Variants in MTUS2 observed in about 807,000 individuals in gnomAD.
MTUS2 encodes the protein microtubule-associated tumor suppressor candidate 2.
MTUS2 carries 40 observed loss-of-function variants against 114.1 expected under a neutral mutation model. The observed-to-expected ratio is 0.35, with a 90% CI of 0.27 to 0.46. The LOEUF (loss-of-function observed/expected upper bound fraction) is 0.46, where lower values mean the gene tolerates loss of function less well. MTUS2 is among the 20% of genes least tolerant of loss of function. The pLI is 1.00. For synonymous variants in MTUS2, 688 were observed against 672.0 expected (o/e 1.02, Z -0.37); for missense variants, 1,679 against 1,705.4 (o/e 0.98, Z 0.27).
intron 2 of MTUS2, among the ~76,000 whole-genome samples, chr13:28,841,985 A>G (rs1875537022): frequency 6.6e-6 from 1 of 152,168 alleles, no homozygotes; most frequent in African/African-American, 2.4e-5. Flanking sequence ...GCGCCCGGCC[A>G]AAGTTTGTTT....
At chr13:28,893,869 C>T (rs1341033954) in intron 2 of MTUS2, among the ~76,000 whole-genome samples, 1 of 152,006 alleles carries the variant, frequency 6.6e-6, no homozygotes, top group Non-Finnish European at 1.5e-5. Context: ...TTTTATGACT[C>T]AAAGAAATAT....
At chr13:28,895,092 C>T (rs1285916161) in intron 2 of MTUS2, among the ~76,000 whole-genome samples, 1 of 152,134 alleles carries the variant, frequency 6.6e-6, no homozygotes, top group Admixed American at 6.6e-5. Context: ...TGAAGGCCAG[C>T]CTCATATATG....
chr13:29,087,348 T>C lies in MTUS2; in HGVS notation c.2447-13425T>C, dbSNP rs9551601. 4.7e-4 allele frequency among the ~76,000 whole-genome samples: 71 copies of C among 152,354 alleles called. No homozygotes were observed. In the East Asian group the frequency reaches 0.013, roughly 28 times the overall value. On this transcript the variant is annotated intron_variant, in intron 4 of 15. Transcript: ENST00000612955. The stretch of plus-strand genomic sequence containing the variant: ...TTTTATTGAAAGCTTTTGCTGTGTC[T>C]ATGAGATTATTATGTGGTTTGTAGT...
At chr13:28,904,007 A>G (rs1365800971) in intron 2 of MTUS2, among the ~76,000 whole-genome samples, 5 of 152,154 alleles carry the variant, frequency 3.3e-5, no homozygotes, top group African/African-American at 4.8e-5. Context: ...TTTCTCTGAT[A>G]GCCAGTGATG....
At chr13:29,180,940 A>G (rs886868359) in intron 5 of MTUS2, among the ~76,000 whole-genome samples, 4 of 152,244 alleles carry the variant, frequency 2.6e-5, no homozygotes, top group African/African-American at 9.6e-5. Context: ...CTGAAAAACA[A>G]CTGTATGTCC....
chr13:29,181,574 C>T (rs1335329713), intron 5 of MTUS2, among the ~76,000 whole-genome samples: 1 of 152,036 alleles, frequency 6.6e-6, no homozygotes, highest in South Asian at 2.1e-4. Context: ...TTGCTTGCCT[C>T]GGGGTTAGGA....
chr13:29,074,003 G>A (rs1444278705), intron 4 of MTUS2, among the ~76,000 whole-genome samples: 2 of 152,096 alleles, frequency 1.3e-5, no homozygotes, highest in Non-Finnish European at 2.9e-5. Context: ...CCCCGTTCCT[G>A]CTCTCAGAAC....
At chr13:29,208,650 A>G (rs1472991621) in intron 5 of MTUS2, among the ~76,000 whole-genome samples, 1 of 152,128 alleles carries the variant, frequency 6.6e-6, no homozygotes. Flanking sequence ...ATTTGGTTCA[A>G]AGAATTTTTA....
intron 8 of MTUS2, among the ~76,000 whole-genome samples, chr13:29,414,558 A>G (rs1377820004): frequency 6.7e-6 from 1 of 149,738 alleles, no homozygotes; most frequent in Admixed American, 6.7e-5. Context: ...TTGTTTTTGT[A>G]TATTATGGGA....
chr13:29,501,359 A>G (rs1882891048), intron 15 of MTUS2, among the ~76,000 whole-genome samples, 165 bp downstream of exon 15: 1 of 152,150 alleles, frequency 6.6e-6, no homozygotes, highest in African/African-American at 2.4e-5. Flanking sequence ...CATCTTGCCT[A>G]TTCCTGGCCA....
At chr13:29,491,380 ATG>A (rs1395064834) in intron 11 of MTUS2, among the ~76,000 whole-genome samples, 3 of 139,188 alleles carry the variant, frequency 2.2e-5, no homozygotes, top group Non-Finnish European at 3.1e-5. Flanking sequence ...TATGGTATAT[ATG>A]TGTGTGGTGT....
At chr13:29,407,368 G>C (rs891488032) in intron 8 of MTUS2, among the ~76,000 whole-genome samples, 16 of 152,070 alleles carry the variant, frequency 1.1e-4, no homozygotes, top group African/African-American at 3.9e-4. Context: ...TATATATTTA[G>C]ACGTGGAATT....
At chr13:29,457,292 C>T (rs1260882557) in intron 9 of MTUS2, among the ~76,000 whole-genome samples, 3 of 152,090 alleles carry the variant, frequency 2.0e-5, no homozygotes, top group African/African-American at 7.2e-5. Flanking sequence ...AAAGTTCCCT[C>T]ATGCCTCTTT....
At chr13:29,085,342 T>C (rs1889644272) in intron 4 of MTUS2, among the ~76,000 whole-genome samples, 1 of 152,236 alleles carries the variant, frequency 6.6e-6, no homozygotes, top group Admixed American at 6.5e-5. Context: ...CATGAGTAAA[T>C]TGTATGTCAC....
At chr13:29,442,634 A>ACATGGTATCCTC in intron 9 of MTUS2, among the ~76,000 whole-genome samples, 1 of 152,270 alleles carries the variant, frequency 6.6e-6, no homozygotes, top group African/African-American at 2.4e-5. Flanking sequence ...CCAAACCAGC[A>ACATGGTATCCTC]CAGGGAGGCA....
chr13:28,823,930 T>C (rs1396695598), intron 1 of MTUS2, among the ~76,000 whole-genome samples: 1 of 152,154 alleles, frequency 6.6e-6, no homozygotes, highest in Non-Finnish European at 1.5e-5. Context: ...GCAGATTTCA[T>C]GAGAACTTAC....
chr13:28,970,545 T>A (rs1264460358), intron 2 of MTUS2, among the ~76,000 whole-genome samples: 1 of 152,236 alleles, frequency 6.6e-6, no homozygotes, highest in Non-Finnish European at 1.5e-5. Flanking sequence ...GCTCTATGGC[T>A]GTTCGTAGAA....
chr13:29,404,807 G>T (rs1335647576), intron 8 of MTUS2, among the ~76,000 whole-genome samples: 1 of 152,194 alleles, frequency 6.6e-6, no homozygotes, highest in Non-Finnish European at 1.5e-5. Flanking sequence ...TTGTTTAGTT[G>T]CCAGAAAGAA....
In MTUS2 at chr13:28,912,301, G is replaced by T. The variant is rs560522566; in HGVS notation, c.-243+72451G>T. Among the ~76,000 whole-genome samples the T allele has an allele frequency of 1.2e-4, 19 of 152,276 alleles. No individual in the cohort carries two copies. The South Asian group carries it at 3.7e-3, about 30-fold the overall frequency. On this transcript the variant is annotated intron_variant, in intron 2 of 15. Transcript: ENST00000612955. ...CCCATTACTTGTTTTTGCCAGGTTT[G>T]TCGAAGATCAGATGGCTGTAGGTGT...
Sources: allele counts gnomAD v4.1 joint callset (sites outside exome capture counted in the v4.1 genomes callset), GRCh38; gene constraint gnomAD v4.1.1; transcripts MANE v1.5; gene names NCBI Gene and HGNC (gene_info 2026-07-23, HGNC 2026-07-21).